The following VGLL3 variants were observed in gnomAD, a reference collection of about 807,000 sequenced individuals.
VGLL3 encodes transcription cofactor vestigial-like protein 3.
Under a neutral mutation model 29.2 loss-of-function variants are expected in VGLL3, and 18 were observed. That is an observed-to-expected ratio of 0.62 (90% confidence interval 0.43 to 0.91). VGLL3 has a LOEUF of 0.91. Ranked by LOEUF, VGLL3 falls within the 40% of genes least tolerant of loss-of-function variation. The pLI, the probability that VGLL3 is intolerant of heterozygous loss-of-function variation, is 0.00. For synonymous variants in VGLL3, 180 were observed against 151.8 expected, an observed-to-expected ratio of 1.19 and a Z score of -1.36; for missense variants, 440 against 413.2, an observed-to-expected ratio of 1.06 and a Z score of -0.56.
At chr3:86,979,860 G>A (rs1705287526) in intron 1 of VGLL3, among the ~76,000 whole-genome samples, 1 of 152,092 alleles carries the variant, frequency 6.6e-6, no homozygotes, top group South Asian at 2.1e-4. Context: ...GGAAAGGCAG[G>A]GAGGGATATC....
chr3:86,979,340 GT>G (rs1705276346), intron 1 of VGLL3, among the ~76,000 whole-genome samples: 1 of 152,154 alleles, frequency 6.6e-6, no homozygotes, highest in Non-Finnish European at 1.5e-5. Context: ...CTGAACTCAT[GT>G]CTTCAAAAAT....
At chr3:86,964,620 G>C (rs893413083) in intron 3 of VGLL3, among the ~76,000 whole-genome samples, 1 of 152,172 alleles carries the variant, frequency 6.6e-6, no homozygotes, top group African/African-American at 2.4e-5. Flanking sequence ...AATGGCATTA[G>C]TGCCCTTATA....
chr3:86,962,624 A>C (rs183256431), intron 3 of VGLL3: 15 of 917,572 alleles, frequency 1.6e-5, no homozygotes, highest in Middle Eastern at 5.6e-4. Context: ...AAATTCAAAA[A>C]ATATAGAAAT....
chr3:86,949,566 T>C (rs544894687), intron 3 of VGLL3, among the ~76,000 whole-genome samples: 10 of 151,650 alleles, frequency 6.6e-5, no homozygotes, highest in Admixed American at 3.9e-4. Context: ...GTGGCTCATG[T>C]CTGTAATCTC....
intron 3 of VGLL3, chr3:86,961,991 G>A: frequency 1.0e-6 from 1 of 982,538 alleles, no homozygotes; most frequent in East Asian, 1.1e-4. Context: ...GTATATGGTA[G>A]GCAATGTAAA....
intron 3 of VGLL3, among the ~76,000 whole-genome samples, chr3:86,951,147 G>C (rs1704609833): frequency 6.6e-6 from 1 of 152,110 alleles, no homozygotes; most frequent in Admixed American, 6.5e-5. Context: ...AAAAACCTTT[G>C]CATATGGGTA....
rs1481355929 is a variant in VGLL3, at chr3:86,938,151, T to C, written c.*8873A>G. On this transcript the variant is annotated 3_prime_UTR_variant, in exon 4 of 4. Coordinates refer to ENST00000398399, the MANE Select transcript of VGLL3 (RefSeq NM_016206.4). Reference sequence around the variant, plus strand: ...ATATTTTCCCAGACTTACTGAGTTATAATTGACACATAAAAGTTATATATA... The same window carrying C: ...ATATTTTCCCAGACTTACTGAGTTACAATTGACACATAAAAGTTATATATA... 3 of 152,236 alleles carry C rather than the reference T, an allele frequency of 2.0e-5. No individual in the cohort carries two copies. The highest frequency in any genetic ancestry group is 1.5e-5 in the Non-Finnish European group (1 of 68,040). The allele number at this position is 152,236 out of a possible 1,614,324, so 9.4% of individuals were successfully genotyped here. A position where few individuals can be genotyped will look rare whatever the true frequency, so the allele number is the denominator to read the frequency against.
intron 3 of VGLL3, among the ~76,000 whole-genome samples, chr3:86,957,040 C>T (rs1704739493): frequency 6.6e-6 from 1 of 151,764 alleles, no homozygotes; most frequent in African/African-American, 2.4e-5. Context: ...ATATGAGTGC[C>T]AGGGATGAAT....
intron 2 of VGLL3, among the ~76,000 whole-genome samples, chr3:86,973,328 A>G (rs545565752): frequency 1.3e-5 from 2 of 152,298 alleles, no homozygotes; most frequent in East Asian, 3.9e-4. Flanking sequence ...ACATTTTTAC[A>G]TTTTTTATTA....
chr3:86,951,759 T>C (rs966136567), intron 3 of VGLL3, among the ~76,000 whole-genome samples: 38 of 151,106 alleles, frequency 2.5e-4, no homozygotes, highest in Non-Finnish European at 3.2e-4. Flanking sequence ...AGCTCGCCTA[T>C]GTTCCCCATA....
intron 1 of VGLL3, among the ~76,000 whole-genome samples, chr3:86,985,348 T>TAA (rs1335630317): frequency 1.3e-5 from 2 of 152,230 alleles, no homozygotes; most frequent in Admixed American, 6.5e-5. Context: ...GATAGACTTT[T>TAA]AGAGTCCCCC....
intron 3 of VGLL3, among the ~76,000 whole-genome samples, chr3:86,966,657 A>G (rs1258464236): frequency 6.6e-6 from 1 of 151,256 alleles, no homozygotes; most frequent in African/African-American, 2.4e-5. Flanking sequence ...GCTTGGACAC[A>G]TAACAATGTA....
chr3:86,952,132 A>G (rs1478532211), intron 3 of VGLL3, among the ~76,000 whole-genome samples: 4 of 152,188 alleles, frequency 2.6e-5, no homozygotes, highest in Non-Finnish European at 4.4e-5. Context: ...AACCCCAAGG[A>G]AAAAAATGAG....
intron 3 of VGLL3, among the ~76,000 whole-genome samples, chr3:86,963,257 CA>C (rs1704894009): frequency 6.6e-6 from 1 of 151,866 alleles, no homozygotes; most frequent in African/African-American, 2.4e-5. Flanking sequence ...TACCTAGCCC[CA>C]AAAAAGAATG....
intron 3 of VGLL3, among the ~76,000 whole-genome samples, chr3:86,965,079 C>T (rs550441589): frequency 6.6e-5 from 10 of 151,838 alleles, no homozygotes; most frequent in Admixed American, 2.6e-4. Context: ...ATCACTTGAA[C>T]CCAGGAAGTG....
intron 3 of VGLL3, among the ~76,000 whole-genome samples, chr3:86,948,438 A>G (rs536704712): frequency 2.0e-5 from 3 of 152,318 alleles, no homozygotes; most frequent in African/African-American, 7.2e-5. Flanking sequence ...ATTACAAAAT[A>G]GGACACAATT....
intron 2 of VGLL3, among the ~76,000 whole-genome samples, chr3:86,976,191 T>C (rs1253521485): frequency 6.6e-6 from 1 of 152,212 alleles, no homozygotes; most frequent in African/African-American, 2.4e-5. Context: ...GCATCTTTGC[T>C]TCTCATTGAA....
intron 3 of VGLL3, chr3:86,962,181 A>C: frequency 1.0e-6 from 1 of 985,402 alleles, no homozygotes; most frequent in Non-Finnish European, 1.2e-6. Flanking sequence ...TTTCACGTGG[A>C]GGGCAAATAC....
In VGLL3 at chr3:86,990,571, A is replaced by T. The variant is rs751992194; in HGVS notation, c.126+47T>A. ...GCCGAGCCCCAGACCGATACTCTCGATGCCCTTCGCCCCCGCCCCCAGCAG... is the reference window on the plus strand; with the variant it reads ...GCCGAGCCCCAGACCGATACTCTCGTTGCCCTTCGCCCCCGCCCCCAGCAG... On this transcript the variant is annotated intron_variant, in intron 1 of 3. Transcript: ENST00000398399. 3 of 1,314,034 alleles carry T rather than the reference A, an allele frequency of 2.3e-6. No homozygotes were observed. In the African/African-American group the frequency reaches 4.5e-5, roughly 20 times the overall value. The allele number at this position is 1,314,034 out of a possible 1,614,324, so 81.4% of individuals were successfully genotyped here.
Sources: allele counts gnomAD v4.1 joint callset (sites outside exome capture counted in the v4.1 genomes callset), GRCh38; gene constraint gnomAD v4.1.1; transcripts MANE v1.5; gene names NCBI Gene and HGNC (gene_info 2026-07-23, HGNC 2026-07-21).